SLC75A1: variants seen among roughly 807,000 people sequenced by gnomAD.
The protein encoded by SLC75A1 is major facilitator superfamily domain containing 10.
At chr4:2,931,123 A>G in the SLC75A1 span, 5 of 1,580,322 alleles carry the variant, frequency 3.2e-6, no homozygotes, top group Non-Finnish European at 3.4e-6. Context: ...CAGTGTACCC[A>G]TGACCGTGCC....
the SLC75A1 span, chr4:2,934,027 A>G: frequency 3.1e-6 from 4 of 1,292,470 alleles, no homozygotes; most frequent in Non-Finnish European, 4.2e-6. Flanking sequence ...ACAGCCGGCG[A>G]GCACCCTAAA....
the SLC75A1 span, chr4:2,931,246 G>A: frequency 6.4e-7 from 1 of 1,563,850 alleles, no homozygotes; most frequent in Non-Finnish European, 8.7e-7. Flanking sequence ...CGACCACGGA[G>A]GACAGGCAGG....
the SLC75A1 span, chr4:2,933,974 G>A: frequency 4.1e-5 from 63 of 1,522,616 alleles, 1 homozygote; most frequent in South Asian, 6.2e-4. Context: ...TCGGGTTAGC[G>A]GGGAAGCCGA....
chr4:2,931,951 C>CGCGT, the SLC75A1 span: 1 of 1,603,150 alleles, frequency 6.2e-7, no homozygotes, highest in Non-Finnish European at 8.5e-7. Context: ...GGAGAGGTGG[C>CGCGT]GCGTGCTGAG....
the SLC75A1 span, chr4:2,932,066 G>T: frequency 6.2e-7 from 1 of 1,611,040 alleles, no homozygotes; most frequent in South Asian, 1.1e-5. Context: ...GGTGGGTCCT[G>T]GCCACGAGCG....
chr4:2,930,914 C>G, the SLC75A1 span: 29 of 1,613,084 alleles, frequency 1.8e-5, no homozygotes, highest in Non-Finnish European at 2.4e-5. Context: ...GAGCCCGGAC[C>G]ACGTGGTGAA....
the SLC75A1 span, chr4:2,933,293 G>A: frequency 2.7e-5 from 35 of 1,319,238 alleles, 1 homozygote; most frequent in South Asian, 2.7e-4. Context: ...GTCCAGCCCC[G>A]TCCTGAGGGT....
chr4:2,933,603 G>A, the SLC75A1 span: 1 of 1,613,664 alleles, frequency 6.2e-7, no homozygotes, highest in East Asian at 2.2e-5. Flanking sequence ...TTCTCCACTG[G>A]CATCCCGATG....
the SLC75A1 span, chr4:2,931,653 C>T: frequency 6.2e-7 from 1 of 1,613,342 alleles, no homozygotes; most frequent in Non-Finnish European, 8.5e-7. Flanking sequence ...AACATCTTCC[C>T]CTGCTGTAGG....
At chr4:2,931,451 C>A in the SLC75A1 span, 4 of 1,567,566 alleles carry the variant, frequency 2.6e-6, no homozygotes, top group Non-Finnish European at 3.5e-6. Context: ...AGGCGGGCAC[C>A]AGCAGCAGGA....
chr4:2,933,682 C>A, the SLC75A1 span: 1 of 1,612,956 alleles, frequency 6.2e-7, no homozygotes, highest in Non-Finnish European at 8.5e-7. Context: ...TGAGGAATCA[C>A]GATAAGGGCT....
At chr4:2,931,098 A>T in the SLC75A1 span, 2 of 1,594,340 alleles carry the variant, frequency 1.3e-6, no homozygotes, top group Admixed American at 3.5e-5. Context: ...CCCTGGCCAG[A>T]GCACCTAGGC....
At chr4:2,931,519 G>C in the SLC75A1 span, 1 of 1,599,184 alleles carries the variant, frequency 6.3e-7, no homozygotes, top group African/African-American at 1.3e-5. Context: ...GGACTCAGGG[G>C]ACTGCCTGCC....
chr4:2,933,050 G>T, the SLC75A1 span: 5 of 1,536,482 alleles, frequency 3.3e-6, no homozygotes, highest in African/African-American at 5.5e-5. Context: ...ACCCCATGGG[G>T]CTACTGGCTG....
the SLC75A1 span, chr4:2,931,495 G>T: frequency 1.3e-6 from 2 of 1,587,488 alleles, no homozygotes; most frequent in Non-Finnish European, 1.7e-6. Context: ...CCTCAGCACA[G>T]CCCGTGCCCT....
At chr4:2,933,047 G>A in the SLC75A1 span, 90 of 1,530,078 alleles carry the variant, frequency 5.9e-5, no homozygotes, top group African/African-American at 9.1e-4. Flanking sequence ...CTAACCCCAT[G>A]GGGCTACTGG....
chr4:2,934,748 G>GC, the SLC75A1 span: 3 of 125,754 alleles, frequency 2.4e-5, no homozygotes, highest in Non-Finnish European at 3.4e-5. Flanking sequence ...CACCCCGGGC[G>GC]CCCCCGGTCC....
At chr4:2,933,271 C>A in the SLC75A1 span, 1 of 1,496,470 alleles carries the variant, frequency 6.7e-7, no homozygotes, top group South Asian at 1.2e-5. Flanking sequence ...TCTTGGGGCC[C>A]TCAAGGCCAA....
chr4:2,933,332 G>A, the SLC75A1 span: 4 of 1,056,876 alleles, frequency 3.8e-6, no homozygotes, highest in Non-Finnish European at 4.2e-6. Flanking sequence ...ACACTCACAG[G>A]CCATGGCCCT....
Sources: gnomAD v4.1 joint callset for allele counts on GRCh38, gnomAD v4.1.1 for gene constraint, MANE v1.5 for transcripts, NCBI Gene and HGNC (gene_info 2026-07-23, HGNC 2026-07-21) for gene names.